The following KIF6 variants were observed in gnomAD, a reference collection of about 807,000 sequenced individuals.
KIF6 encodes the protein kinesin-like protein KIF6.
Under a neutral mutation model 112.7 loss-of-function variants are expected in KIF6, and 106 were observed. The ratio of observed to expected loss-of-function variants is 0.94; its 90% confidence interval spans 0.80 to 1.11. KIF6 has a LOEUF of 1.11. Among genes scored for constraint, KIF6 ranks in the 50% least tolerant of loss-of-function variants. The probability of loss-of-function intolerance (pLI) is 0.00; values close to 1 mark genes in which losing one functional copy is unlikely to be tolerated. For missense variants in KIF6, 929 were observed against 964.0 expected (o/e 0.96, Z 0.48); for synonymous variants, 339 against 339.9 (o/e 1.00, Z 0.03).
intron 13 of KIF6, among the ~76,000 whole-genome samples, chr6:39,464,723 C>T (rs894685671): frequency 9.9e-5 from 15 of 152,108 alleles, no homozygotes; most frequent in East Asian, 3.9e-4. Flanking sequence ...GCAGGATTCA[C>T]GCTAACAAGA....
chr6:39,466,691 G>A (rs1417564176), intron 13 of KIF6, among the ~76,000 whole-genome samples: 1 of 151,964 alleles, frequency 6.6e-6, no homozygotes, highest in African/African-American at 2.4e-5. Context: ...TATCTCCCTG[G>A]GAAAAGCAGG....
chr6:39,343,852 A>T lies in KIF6; in HGVS notation c.2322-37T>A. On this transcript the variant is annotated intron_variant, in intron 21 of 22. Coordinates refer to ENST00000287152, the MANE Select transcript of KIF6 (RefSeq NM_145027.6). This position sits in a 1 kb window ranked among gnomAD's most constrained non-coding sequence, Gnocchi z 4.1. ...CACGTGTCACATTTTACTACACTTT[A>T]CAACTGGACTCACCACTTATATTTC... 1 of 1,219,926 alleles carries T rather than the reference A, an allele frequency of 8.2e-7. No homozygotes were observed. The highest frequency in any genetic ancestry group is 1.2e-6 in the Non-Finnish European group (1 of 851,536). The allele number at this position is 1,219,926 out of a possible 1,614,324, so 75.6% of individuals were successfully genotyped here.
chr6:39,647,064 A>G (rs1785204792), intron 3 of KIF6, among the ~76,000 whole-genome samples: 1 of 152,200 alleles, frequency 6.6e-6, no homozygotes, highest in African/African-American at 2.4e-5. Context: ...AGTAGCTTAA[A>G]TTTTAGAGAT....
chr6:39,493,740 T>C (rs964887788), intron 13 of KIF6, among the ~76,000 whole-genome samples: 1 of 152,238 alleles, frequency 6.6e-6, no homozygotes, highest in Non-Finnish European at 1.5e-5. Context: ...GGGGCTACTT[T>C]CAAATTGTAC....
intron 13 of KIF6, among the ~76,000 whole-genome samples, chr6:39,436,910 T>C (rs1227668704): frequency 3.3e-5 from 5 of 152,260 alleles, no homozygotes; most frequent in Non-Finnish European, 5.9e-5. Flanking sequence ...AAAAGTGATA[T>C]TAGTATTTTG....
intron 13 of KIF6, among the ~76,000 whole-genome samples, chr6:39,525,820 A>G (rs867345619): frequency 6.9e-6 from 1 of 145,242 alleles, no homozygotes. Context: ...TAAATAAATA[A>G]ATAAATAAAT....
At chr6:39,463,817 A>G (rs1162202307) in intron 13 of KIF6, among the ~76,000 whole-genome samples, 3 of 152,052 alleles carry the variant, frequency 2.0e-5, no homozygotes, top group African/African-American at 4.8e-5. Context: ...ATCTGCCCCT[A>G]TCTTCTGCTG....
Position 39,596,051 on chromosome 6 carries a change from T to A in KIF6, c.846+3A>T. On this transcript the variant is annotated splice_donor_region_variant and intron_variant, in intron 7 of 22. Coordinates refer to ENST00000287152, the MANE Select transcript of KIF6 (RefSeq NM_145027.6). ...TTAATACATCCCACTCTGCCCATTTTACCTGTTCTAAGTAATGTAGTGACA... is the reference window on the plus strand; with the variant it reads ...TTAATACATCCCACTCTGCCCATTTAACCTGTTCTAAGTAATGTAGTGACA... 6.2e-7 allele frequency: 1 copy of A among 1,611,628 alleles called. No homozygotes were observed. Among genetic ancestry groups the A allele is most frequent in the Non-Finnish European group, 8.5e-7 (1 of 1,177,822 alleles).
Position 39,704,637 on chromosome 6 carries a change from C to T in KIF6, c.251+10055G>A, listed in dbSNP as rs565061269. 1.4e-4 allele frequency among the ~76,000 whole-genome samples: 21 copies of T among 151,884 alleles called. No homozygotes were observed. The South Asian group carries it at 4.4e-3, about 32-fold the overall frequency. ...CGTCTTTAAAAAAAAAAAAGCAAAG[C>T]TAGAACAGAGAAAGATGAAATAACT... On this transcript the variant is annotated intron_variant, in intron 3 of 22. Coordinates refer to ENST00000287152, the MANE Select transcript of KIF6 (RefSeq NM_145027.6).
chr6:39,649,778 G>T (rs368523493), intron 3 of KIF6, among the ~76,000 whole-genome samples: 1 of 141,010 alleles, frequency 7.1e-6, no homozygotes, highest in East Asian at 2.2e-4. Flanking sequence ...AGAAAGAAAA[G>T]AAACTAAACT....
chr6:39,524,305 C>T (rs1398193043), intron 13 of KIF6, among the ~76,000 whole-genome samples: 1 of 152,120 alleles, frequency 6.6e-6, no homozygotes, highest in Non-Finnish European at 1.5e-5. Flanking sequence ...GATTAGATTA[C>T]ATAATTCCTA....
At chr6:39,616,116 G>C (rs867825851) in intron 5 of KIF6, among the ~76,000 whole-genome samples, 7 of 152,236 alleles carry the variant, frequency 4.6e-5, no homozygotes, top group Admixed American at 1.3e-4. Context: ...ACCTTATATG[G>C]GTCACTGATT....
chr6:39,671,045 T>C lies in KIF6; in HGVS notation c.252-31288A>G, dbSNP rs1447562448. 2.6e-5 allele frequency among the ~76,000 whole-genome samples: 4 copies of C among 152,334 alleles called. No homozygotes were observed. The East Asian group carries it at 7.7e-4, about 29-fold the overall frequency. Reference sequence around the variant, plus strand: ...ATACAAAGCACTTTGATAATTACTGTGGGAATATATCAATGGATCAGACAG... The same window carrying C: ...ATACAAAGCACTTTGATAATTACTGCGGGAATATATCAATGGATCAGACAG... On this transcript the variant is annotated intron_variant, in intron 3 of 22. Transcript: ENST00000287152.
At chr6:39,361,747 CCT>C (rs1765163402) in intron 17 of KIF6, among the ~76,000 whole-genome samples, 1 of 151,594 alleles carries the variant, frequency 6.6e-6, no homozygotes, top group Middle Eastern at 3.4e-3. Context: ...AAGACCAGCG[CCT>C]GGGGCTTTGA....
chr6:39,515,722 AG>A (rs1777049397), intron 13 of KIF6, among the ~76,000 whole-genome samples: 2 of 152,166 alleles, frequency 1.3e-5, no homozygotes, highest in African/African-American at 4.8e-5. Context: ...AAAAGCTGCC[AG>A]GGGTCCCTTT....
chr6:39,529,233 T>C (rs1041633332), intron 13 of KIF6, among the ~76,000 whole-genome samples: 1 of 152,156 alleles, frequency 6.6e-6, no homozygotes, highest in African/African-American at 2.4e-5. Flanking sequence ...AAAAACTACA[T>C]GACACTGATC....
At chr6:39,590,451 A>ATAT (rs1338373703) in intron 7 of KIF6, among the ~76,000 whole-genome samples, 75 of 84,738 alleles carry the variant, frequency 8.9e-4, no homozygotes, top group Middle Eastern at 7.6e-3. Flanking sequence ...ATATATATAT[A>ATAT]TTTTTTTTTT....
intron 14 of KIF6, among the ~76,000 whole-genome samples, chr6:39,422,872 T>C (rs910538770): frequency 6.6e-6 from 1 of 152,104 alleles, no homozygotes; most frequent in Non-Finnish European, 1.5e-5. Flanking sequence ...CGCATCCTCA[T>C]CCATGAGATG....
chr6:39,502,105 A>G, intron 13 of KIF6, among the ~76,000 whole-genome samples: 1 of 152,208 alleles, frequency 6.6e-6, no homozygotes, highest in Admixed American at 6.5e-5. Flanking sequence ...CAGGTCACCT[A>G]CAAAGGGAAG....
Sources: gnomAD v4.1 joint callset for allele counts (sites outside exome capture counted in the v4.1 genomes callset) on GRCh38, gnomAD v4.1.1 for gene constraint, Gnocchi (gnomAD v3.1) non-coding constraint, MANE v1.5 for transcripts, NCBI Gene and HGNC (gene_info 2026-07-23, HGNC 2026-07-21) for gene names.